The following TCF12 variants were observed in gnomAD, a reference collection of about 807,000 sequenced individuals.
The protein encoded by TCF12 is transcription factor 12.
TCF12 carries 45 observed loss-of-function variants against 86.0 expected under a neutral mutation model. The observed-to-expected ratio is 0.52, with a 90% CI of 0.41 to 0.67. The LOEUF (loss-of-function observed/expected upper bound fraction) is 0.67, where lower values mean the gene tolerates loss of function less well. Among genes scored for constraint, TCF12 ranks in the 30% least tolerant of loss-of-function variants. The pLI is 0.00. For missense variants in TCF12, 881 were observed against 859.9 expected, an observed-to-expected ratio of 1.02 and a Z score of -0.31; for synonymous variants, 330 against 299.6, an observed-to-expected ratio of 1.10 and a Z score of -1.05.
intron 11 of TCF12, among the ~76,000 whole-genome samples, chr15:57,233,266 A>C (rs1226108836): frequency 6.6e-6 from 1 of 151,732 alleles, no homozygotes; most frequent in Non-Finnish European, 1.5e-5. Flanking sequence ...TCAACCTCCA[A>C]GGTTGAGGAG....
At chr15:57,244,002 CTGAG>C (rs1326385840) in intron 13 of TCF12, among the ~76,000 whole-genome samples, 1 of 152,064 alleles carries the variant, frequency 6.6e-6, no homozygotes, top group Non-Finnish European at 1.5e-5. Flanking sequence ...CCTCAGCCTC[CTGAG>C]TAACTGGGAA....
chr15:56,998,492 T>C (rs1475344031), intron 3 of TCF12, among the ~76,000 whole-genome samples: 2 of 149,276 alleles, frequency 1.3e-5, no homozygotes, highest in Non-Finnish European at 3.0e-5. Context: ...TGAAGGAGAC[T>C]ATCAACCAGA....
intron 4 of TCF12, among the ~76,000 whole-genome samples, chr15:57,072,868 T>TG (rs1295266787): frequency 6.6e-6 from 1 of 152,188 alleles, no homozygotes; most frequent in Non-Finnish European, 1.5e-5. Flanking sequence ...AAGAGTAAAA[T>TG]GTTTTTACTC....
chr15:57,089,753 A>G (rs2048873344), intron 4 of TCF12, among the ~76,000 whole-genome samples: 1 of 152,162 alleles, frequency 6.6e-6, no homozygotes. Context: ...TTTCTACAGT[A>G]GTATTGCTGT....
intron 12 of TCF12, among the ~76,000 whole-genome samples, chr15:57,239,409 C>T (rs2059514821): frequency 6.6e-6 from 1 of 151,004 alleles, no homozygotes; most frequent in Non-Finnish European, 1.5e-5. Flanking sequence ...CTATGTAATC[C>T]CAGCTGCTTG....
At chr15:56,979,089 T>A (rs2140861099) in intron 3 of TCF12, among the ~76,000 whole-genome samples, 1 of 152,336 alleles carries the variant, frequency 6.6e-6, no homozygotes, top group Admixed American at 6.5e-5. Context: ...GCCGACATTT[T>A]GCTTAGGTCA....
intron 5 of TCF12, among the ~76,000 whole-genome samples, chr15:57,111,013 C>T (rs1056616163): frequency 1.3e-5 from 2 of 152,238 alleles, no homozygotes; most frequent in African/African-American, 2.4e-5. Flanking sequence ...TATTTACATT[C>T]TGTCTCAGAT....
chr15:56,999,131 G>T (rs1360546540), intron 3 of TCF12, among the ~76,000 whole-genome samples: 1 of 151,640 alleles, frequency 6.6e-6, no homozygotes, highest in African/African-American at 2.4e-5. Context: ...CCGGGAAGCG[G>T]AGCTTGCAGT....
At chr15:56,961,126 CAA>C (rs35067646) in intron 3 of TCF12, among the ~76,000 whole-genome samples, 99,543 of 136,354 alleles carry the variant, frequency 0.73, 35,892 homozygotes, top group East Asian at 0.77. Flanking sequence ...AACTCTGTCT[CAA>C]AAAAAAAAAA....
At chr15:57,142,512 T>G (rs942694290) in intron 5 of TCF12, among the ~76,000 whole-genome samples, 3 of 68,640 alleles carry the variant, frequency 4.4e-5, no homozygotes, top group Non-Finnish European at 8.2e-5. Context: ...CTGTACATTT[T>G]GAACAACAAA....
intron 3 of TCF12, among the ~76,000 whole-genome samples, chr15:57,022,501 A>G (rs1014390123): frequency 6.6e-6 from 1 of 152,132 alleles, no homozygotes; most frequent in Non-Finnish European, 1.5e-5. Flanking sequence ...AGTCTTTGCT[A>G]TTGTGAATAG....
intron 8 of TCF12, among the ~76,000 whole-genome samples, chr15:57,221,941 A>G (rs1273154831): frequency 6.6e-6 from 1 of 152,072 alleles, no homozygotes; most frequent in Non-Finnish European, 1.5e-5. Context: ...CCTTAAAATA[A>G]AAACTAGCAC....
chr15:57,232,032 T>C (rs1483908523), intron 9 of TCF12, among the ~76,000 whole-genome samples: 2 of 152,216 alleles, frequency 1.3e-5, no homozygotes, highest in Non-Finnish European at 2.9e-5. Context: ...TCTTCCTTGA[T>C]ATGAATTGAG....
intron 3 of TCF12, among the ~76,000 whole-genome samples, chr15:57,033,459 A>G (rs537560064): frequency 6.6e-6 from 1 of 152,324 alleles, no homozygotes; most frequent in South Asian, 2.1e-4. Flanking sequence ...TTGATTTCAC[A>G]GTTAGTAATG....
intron 5 of TCF12, among the ~76,000 whole-genome samples, chr15:57,100,316 A>G (rs2049638855): frequency 1.3e-5 from 2 of 152,180 alleles, no homozygotes; most frequent in Non-Finnish European, 2.9e-5. Context: ...GAAGCACACC[A>G]TAGCACGCAG....
chr15:57,182,306 A>T (rs1597128192), intron 6 of TCF12, among the ~76,000 whole-genome samples: 1 of 152,242 alleles, frequency 6.6e-6, no homozygotes, highest in East Asian at 1.9e-4. Flanking sequence ...AATAAAGAAA[A>T]ATATATTATT....
chr15:56,991,769 A>C (rs1789948820), intron 3 of TCF12, among the ~76,000 whole-genome samples: 1 of 151,654 alleles, frequency 6.6e-6, no homozygotes, highest in Admixed American at 6.6e-5. Context: ...CAGAACTACA[A>C]AGTTAAATCT....
intron 3 of TCF12, among the ~76,000 whole-genome samples, chr15:57,023,101 A>ATGGCCCCAGCACTCTAACCTTC: frequency 2.6e-5 from 4 of 152,230 alleles, no homozygotes; most frequent in Admixed American, 2.0e-4. Context: ...GTTTTGGTTG[A>ATGGCCCCAGCACTCTAACCTTC]CATACTAAAA....
intron 3 of TCF12, among the ~76,000 whole-genome samples, chr15:56,943,498 A>G (rs2060868323): frequency 6.6e-6 from 1 of 152,238 alleles, no homozygotes. Flanking sequence ...TACAGGGCAC[A>G]CTTTTATATG....
Sources: allele counts gnomAD v4.1 joint callset (sites outside exome capture counted in the v4.1 genomes callset), GRCh38; gene constraint gnomAD v4.1.1; transcripts MANE v1.5; gene names NCBI Gene and HGNC (gene_info 2026-07-23, HGNC 2026-07-21).